The following PLCH2 variants were observed in gnomAD, a reference collection of about 807,000 sequenced individuals.
The protein encoded by PLCH2 is phospholipase C eta 2.
PLCH2 carries 98 observed loss-of-function variants against 134.7 expected under a neutral mutation model. The ratio of observed to expected loss-of-function variants is 0.73; its 90% CI spans 0.62 to 0.86. The LOEUF (loss-of-function observed/expected upper bound fraction) is 0.86. Among genes scored for constraint, PLCH2 ranks in the 40% least tolerant of loss-of-function variants. The pLI is 0.00. For missense variants in PLCH2, 1,994 were observed against 1,986.6 expected (o/e 1.00, Z -0.07); for synonymous variants, 974 against 827.5 (o/e 1.18, Z -3.04).
At position 2,499,242 on chromosome 1, in the gene PLCH2, T is replaced by G. The variant is rs749443487; in HGVS notation, c.2581+12T>G. 3 of 1,611,406 alleles carry G rather than the reference T, an allele frequency of 1.9e-6. No homozygotes were observed. The highest frequency in any genetic ancestry group is 2.5e-6 in the Non-Finnish European group (3 of 1,179,284). ...CAGCATGATGCCAGGTGGGCAGGAG[T>G]GGACACGGTGCCCCCCACACTGGCC... On this transcript the variant is annotated intron_variant, in intron 19 of 21. Transcript: ENST00000378486.
At chr1:2,488,771 C>T (rs1558012478) in intron 8 of PLCH2, among the ~76,000 whole-genome samples, 1 of 152,316 alleles carries the variant, frequency 6.6e-6, no homozygotes, top group East Asian at 1.9e-4. Context: ...AATGTCAGGA[C>T]CCCAGGGCCA....
intron 4 of PLCH2, 25 bp from the exon 5 acceptor site, chr1:2,484,423 G>A (rs1242328201): frequency 6.2e-7 from 1 of 1,611,516 alleles, no homozygotes; most frequent in Admixed American, 1.7e-5. Context: ...AGGTGCCAAT[G>A]GGGACCCAAG....
At chr1:2,483,831 TGGGGGTGGCGCTGACCCCCGTGTG>T (rs1642120126) in intron 4 of PLCH2, among the ~76,000 whole-genome samples, 1 of 70,650 alleles carries the variant, frequency 1.4e-5, no homozygotes, top group African/African-American at 6.9e-5. Flanking sequence ...GACCCCCGTG[TGGGGGTGGCGCTGACCCCCGTGTG>T]GGGTGGCGCT....
At chr1:2,495,874 T>A (rs1439459976) in intron 13 of PLCH2, among the ~76,000 whole-genome samples, 3 of 152,080 alleles carry the variant, frequency 2.0e-5, no homozygotes, top group African/African-American at 7.2e-5. Flanking sequence ...CCCAGCCTCA[T>A]GCCCTCCCCA....
Position 2,496,693 on chromosome 1 carries a change from T to C in PLCH2, c.1922T>C (p.Ile641Thr), listed in dbSNP as rs773150907. 1.9e-6 allele frequency: 3 copies of C among 1,611,876 alleles called. No homozygotes were observed. The highest frequency in any genetic ancestry group is 1.1e-5 in the South Asian group (1 of 90,932). Residue 641 changes from isoleucine to threonine, a missense_variant, in exon 14 of 22, where the codon ATA (isoleucine) becomes ACA (threonine). Ile to Thr is a moderately conservative substitution (Grantham distance 89). Around this residue, in one of 2 missense-constraint regions of PLCH2, gnomAD observed 1,094 missense variants for 1,234.3 expected, o/e 0.89. Coordinates refer to ENST00000378486, the MANE Select transcript of PLCH2 (RefSeq NM_014638.4). ...ACCAAGTCCGTGGCCACCCACGACA[T>C]AGAGATGGAGGGTGAGTGGCTCGGG... The part of the protein sequence containing the change: ...KYTKSVATHD[I>T]EMEAASSWQV...
intron 2 of PLCH2, among the ~76,000 whole-genome samples, chr1:2,449,737 C>G (rs1640105915): frequency 6.6e-6 from 1 of 152,326 alleles, no homozygotes; most frequent in Admixed American, 6.5e-5. Context: ...GGACTCACTG[C>G]TGAGATGAGC....
In PLCH2 at chr1:2,454,018, T is replaced by G. The variant is rs572698003; in HGVS notation, c.115+23389T>G. 1.6e-3 allele frequency among the ~76,000 whole-genome samples: 249 copies of G among 151,984 alleles called. 1 individual carries two copies. Among genetic ancestry groups the G allele is most frequent in the African/African-American group, 5.5e-3 (226 of 41,406 alleles). Reference sequence around the variant, plus strand: ...TGTGGGGGCCTCTGAGAGCCAAGGCTGGTAGTGGGGTTCCGGGGGTGCCGC... The same window carrying G: ...TGTGGGGGCCTCTGAGAGCCAAGGCGGGTAGTGGGGTTCCGGGGGTGCCGC... On this transcript the variant is annotated intron_variant, in intron 2 of 3. Transcript: ENST00000609981.
At chr1:2,503,625 TGA>T (rs1643359820) in intron 21 of PLCH2, 3 of 683,400 alleles carry the variant, frequency 4.4e-6, no homozygotes, top group Non-Finnish European at 8.0e-6. Context: ...AGTTAGGAAC[TGA>T]GAGCGGCGAG....
chr1:2,449,447 A>G (rs1408894212), intron 2 of PLCH2, among the ~76,000 whole-genome samples: 1 of 152,196 alleles, frequency 6.6e-6, no homozygotes, highest in South Asian at 2.1e-4. Flanking sequence ...GTGAGCTGAG[A>G]TGGTGCTACT....
intron 2 of PLCH2, among the ~76,000 whole-genome samples, chr1:2,431,380 G>C (rs1409155154): frequency 6.6e-6 from 1 of 152,172 alleles, no homozygotes; most frequent in Non-Finnish European, 1.5e-5. Flanking sequence ...GCCTCACAGA[G>C]GTGGCTCCGG....
intron 2 of PLCH2, among the ~76,000 whole-genome samples, chr1:2,450,275 G>A (rs1640129031): frequency 6.6e-6 from 1 of 152,100 alleles, no homozygotes; most frequent in South Asian, 2.1e-4. Flanking sequence ...CAAACACCCA[G>A]CCATTCCCTC....
rs774684119 is a variant in PLCH2 at position 2,503,764 on chromosome 1, C to A, written c.2960-158C>A. The A allele has an allele frequency of 8.1e-6, 5 of 616,562 alleles. No individual in the cohort carries two copies. In the East Asian group the frequency reaches 1.1e-4, roughly 14 times the overall value. The allele number at this position is 616,562 out of a possible 1,614,324, so 38.2% of individuals were successfully genotyped here. A position where few individuals can be genotyped will look rare whatever the true frequency, so the allele number is the denominator to read the frequency against. Reference sequence around the variant, plus strand: ...GTGGGGACACCGAGTGTGCCGCGCCCGGGGGATGCCTCGGGGTGGGAGCTG... The same window carrying A: ...GTGGGGACACCGAGTGTGCCGCGCCAGGGGGATGCCTCGGGGTGGGAGCTG... On this transcript the variant is annotated intron_variant, in intron 21 of 21. Coordinates refer to ENST00000378486, the MANE Select transcript of PLCH2 (RefSeq NM_014638.4).
At chr1:2,419,466 G>C in the PLCH2 span, among the ~76,000 whole-genome samples, 1 of 152,144 alleles carries the variant, frequency 6.6e-6, no homozygotes, top group Non-Finnish European at 1.5e-5. Context: ...TCTGAGGCCC[G>C]GGCCTCGGCC....
chr1:2,487,566 C>G, intron 7 of PLCH2, 32 bp from the exon 8 acceptor site: 1 of 1,601,642 alleles, frequency 6.2e-7, no homozygotes, highest in Non-Finnish European at 8.5e-7. Flanking sequence ...TGGCTAGGCC[C>G]CTGGGGCTGA....
chr1:2,481,043 T>C (rs368347933), intron 4 of PLCH2, among the ~76,000 whole-genome samples: 1 of 152,086 alleles, frequency 6.6e-6, no homozygotes, highest in Non-Finnish European at 1.5e-5. Context: ...TGCACGTGCA[T>C]AAATACACGC....
intron 21 of PLCH2, chr1:2,503,544 C>T: frequency 1.5e-6 from 1 of 682,300 alleles, no homozygotes; most frequent in Middle Eastern, 2.4e-4. Flanking sequence ...GGAGCCCGCC[C>T]CACACCACCC....
At chr1:2,473,350 G>A (rs1049817992), upstream of PLCH2, among the ~76,000 whole-genome samples, 1 of 152,188 alleles carries the variant, frequency 6.6e-6, no homozygotes, top group South Asian at 2.1e-4. Flanking sequence ...GAGCCCAGGG[G>A]ATCACGGGCG....
upstream of PLCH2, among the ~76,000 whole-genome samples, chr1:2,424,753 C>T (rs562636767): frequency 7.6e-4 from 116 of 152,212 alleles, no homozygotes; most frequent in East Asian, 4.8e-3. Flanking sequence ...TTTGGGAGGC[C>T]AAGGCGGGCG....
chr1:2,435,811 C>T (rs951499303), intron 2 of PLCH2, among the ~76,000 whole-genome samples: 9 of 132,740 alleles, frequency 6.8e-5, no homozygotes, highest in Non-Finnish European at 1.1e-4. Flanking sequence ...TGGAGTGAGC[C>T]CCCACACCTG....
Sources: gnomAD v4.1 joint callset for allele counts (sites outside exome capture counted in the v4.1 genomes callset) on GRCh38, gnomAD v4.1.1 for gene constraint, gnomAD v4.1.1 regional missense constraint, MANE v1.5 for transcripts, NCBI Gene and HGNC (gene_info 2026-07-23, HGNC 2026-07-21) for gene names.